The following NDFIP2 variants were observed in gnomAD, a reference collection of about 807,000 sequenced individuals.
The protein encoded by NDFIP2 is NEDD4 family-interacting protein 2.
In NDFIP2, 19 loss-of-function variants were observed where a neutral mutation model predicts 36.0. The ratio of observed to expected loss-of-function variants is 0.53; its 90% confidence interval spans 0.37 to 0.77. NDFIP2 has a LOEUF of 0.77. NDFIP2 is among the 30% of genes least tolerant of loss of function. The pLI is 0.00. For missense variants in NDFIP2, 446 were observed against 435.8 expected, an observed-to-expected ratio of 1.02 and a Z score of -0.21; for synonymous variants, 181 against 167.7, an observed-to-expected ratio of 1.08 and a Z score of -0.61.
chr13:79,504,016 GA>G (rs1873764757), intron 1 of NDFIP2, among the ~76,000 whole-genome samples: 3 of 152,254 alleles, frequency 2.0e-5, no homozygotes, highest in Admixed American at 1.3e-4. Flanking sequence ...GCCATTCATG[GA>G]AAGTTGGAGT....
chr13:79,482,585 T>G (rs991127885), intron 1 of NDFIP2, among the ~76,000 whole-genome samples: 1 of 151,772 alleles, frequency 6.6e-6, no homozygotes, highest in Admixed American at 6.6e-5. Flanking sequence ...TTTAGGTATG[T>G]TAGTCCCAGG....
chr13:79,520,798 T>G lies in NDFIP2; in HGVS notation c.322-12T>G. On this transcript the variant is annotated splice_polypyrimidine_tract_variant and intron_variant, in intron 1 of 7. Transcript: ENST00000218652. ...ATTACATTAATGTTTTGTTTTTCTT[T>G]TGTTCTCTTAGCTTCTTAATGAAGA... 1.3e-6 allele frequency: 2 copies of G among 1,585,780 alleles called. No individual in the cohort carries two copies. The highest frequency in any genetic ancestry group is 8.6e-7 in the Non-Finnish European group (1 of 1,164,486).
chr13:79,490,243 C>T (rs536065406), intron 1 of NDFIP2, among the ~76,000 whole-genome samples: 5 of 152,184 alleles, frequency 3.3e-5, no homozygotes, highest in African/African-American at 1.2e-4. Context: ...GTGTCAGGCC[C>T]CTGGCACATG....
At chr13:79,519,925 C>T (rs536226460) in intron 1 of NDFIP2, among the ~76,000 whole-genome samples, 1 of 152,246 alleles carries the variant, frequency 6.6e-6, no homozygotes, top group East Asian at 1.9e-4. Flanking sequence ...CTCAGCCACC[C>T]GAGTAGCTGG....
At chr13:79,511,109 C>T (rs1164493527) in intron 1 of NDFIP2, among the ~76,000 whole-genome samples, 1 of 151,956 alleles carries the variant, frequency 6.6e-6, no homozygotes. Flanking sequence ...GTGTCAGACT[C>T]TCAGTTAAAC....
At chr13:79,496,206 AC>A (rs1873428397) in intron 1 of NDFIP2, among the ~76,000 whole-genome samples, 2 of 151,910 alleles carry the variant, frequency 1.3e-5, no homozygotes. Context: ...TTCCTTAAGA[AC>A]TGCATTTCTT....
chr13:79,510,998 C>CAAA lies in NDFIP2; in HGVS notation c.322-9796_322-9794dup, dbSNP rs11425903. ...TGGGTGACAGAGCGAGACTCTGTCT[C>CAAA]AAAAAAAAAAAAAAAAAAGGTGGCC... On this transcript the variant is annotated intron_variant, in intron 1 of 7. Transcript: ENST00000218652. Among the ~76,000 whole-genome samples the CAAA allele has an allele frequency of 9.9e-4, 94 of 95,246 alleles. 3 individuals are homozygous for CAAA. The highest frequency in any genetic ancestry group is 2.7e-3 in the East Asian group (10 of 3,726). 62.5% of individuals were successfully genotyped at this position (95,246 alleles called of 152,430 possible).
chr13:79,497,451 T>C (rs931748337), intron 1 of NDFIP2, among the ~76,000 whole-genome samples: 1 of 152,002 alleles, frequency 6.6e-6, no homozygotes, highest in Non-Finnish European at 1.5e-5. Flanking sequence ...GAAACTTACC[T>C]GGTGCAGGTT....
At chr13:79,524,121 T>C (rs962384645) in intron 2 of NDFIP2, among the ~76,000 whole-genome samples, 2 of 152,236 alleles carry the variant, frequency 1.3e-5, no homozygotes, top group African/African-American at 4.8e-5. Flanking sequence ...CTTCATTTTC[T>C]TCTTCATCTT....
Position 79,555,463 on chromosome 13 carries a change from C to A in NDFIP2, c.*2950C>A, listed in dbSNP as rs1211988195. ...AATTGTAGACTGTACCAAGAAGCAA[C>A]TACCTTAGCTCCACTGCCCTTTGAG... On this transcript the variant is annotated 3_prime_UTR_variant, in exon 8 of 8. Coordinates refer to ENST00000218652, the MANE Select transcript of NDFIP2 (RefSeq NM_019080.3). 6.6e-6 allele frequency: 1 copy of A among 151,628 alleles called. No homozygotes were observed. The highest frequency in any genetic ancestry group is 1.5e-5 in the Non-Finnish European group (1 of 67,848). The allele number at this position is 151,628 out of a possible 1,614,324, so 9.4% of individuals were successfully genotyped here.
chr13:79,513,470 A>G (rs2087516892), intron 1 of NDFIP2, among the ~76,000 whole-genome samples: 1 of 152,222 alleles, frequency 6.6e-6, no homozygotes, highest in South Asian at 2.1e-4. Context: ...TAAAACTACA[A>G]AAAGTGAGCT....
intron 1 of NDFIP2, among the ~76,000 whole-genome samples, chr13:79,484,773 A>C (rs1191810431): frequency 6.6e-6 from 1 of 152,094 alleles, no homozygotes; most frequent in East Asian, 1.9e-4. Context: ...CGGGTAAAAA[A>C]CCTACAGGTT....
At chr13:79,520,311 G>A (rs1874517591) in intron 1 of NDFIP2, among the ~76,000 whole-genome samples, 1 of 152,078 alleles carries the variant, frequency 6.6e-6, no homozygotes. Flanking sequence ...GCTTTTCTTT[G>A]TAGTATGTAA....
chr13:79,514,075 A>G (rs1874178787), intron 1 of NDFIP2, among the ~76,000 whole-genome samples: 1 of 152,202 alleles, frequency 6.6e-6, no homozygotes, highest in Non-Finnish European at 1.5e-5. Context: ...ATAGAAATTT[A>G]TATAAGATCT....
In NDFIP2 at chr13:79,553,080, C is replaced by G. The variant is rs1460104004; in HGVS notation, c.*567C>G. 6.6e-6 allele frequency: 1 copy of G among 151,782 alleles called. No individual in the cohort carries two copies. Among genetic ancestry groups the G allele is most frequent in the African/African-American group, 2.4e-5 (1 of 41,372 alleles). 9.4% of individuals were successfully genotyped at this position (151,782 alleles called of 1,614,324 possible). On this transcript the variant is annotated 3_prime_UTR_variant, in exon 8 of 8. Transcript: ENST00000218652. ...ATTTACATTATTATTTAGGAAAACTCTTCCTGTAAATAACCATGCATAACT... is the reference window on the plus strand; with the variant it reads ...ATTTACATTATTATTTAGGAAAACTGTTCCTGTAAATAACCATGCATAACT...
intron 1 of NDFIP2, among the ~76,000 whole-genome samples, chr13:79,500,595 GA>G (rs1873621052): frequency 1.3e-5 from 2 of 151,944 alleles, no homozygotes; most frequent in South Asian, 4.2e-4. Flanking sequence ...ATTTTGAAAT[GA>G]TGGTTAAAAC....
At chr13:79,531,734 T>C (rs1265317103) in intron 2 of NDFIP2, among the ~76,000 whole-genome samples, 3 of 152,232 alleles carry the variant, frequency 2.0e-5, no homozygotes, top group East Asian at 1.9e-4. Flanking sequence ...AGCACCTTGC[T>C]CTGAACCAGG....
chr13:79,518,220 T>G (rs1874426204), intron 1 of NDFIP2, among the ~76,000 whole-genome samples: 1 of 152,208 alleles, frequency 6.6e-6, no homozygotes, highest in African/African-American at 2.4e-5. Flanking sequence ...GGAAAAGTGC[T>G]GCAAGAAATA....
At chr13:79,521,292 G>A (rs899895454) in intron 2 of NDFIP2, among the ~76,000 whole-genome samples, 4 of 151,988 alleles carry the variant, frequency 2.6e-5, no homozygotes, top group African/African-American at 9.7e-5. Flanking sequence ...CTGAATACAA[G>A]GCAATAATTC....
Sources: gnomAD v4.1 joint callset for allele counts (sites outside exome capture counted in the v4.1 genomes callset) on GRCh38, gnomAD v4.1.1 for gene constraint, MANE v1.5 for transcripts, NCBI Gene and HGNC (gene_info 2026-07-23, HGNC 2026-07-21) for gene names.